ARHGEF18: variants seen among roughly 807,000 people sequenced by gnomAD.
The protein encoded by ARHGEF18 is rho guanine nucleotide exchange factor 18.
Under a neutral mutation model 155.7 loss-of-function variants are expected in ARHGEF18, and 93 were observed. The observed-to-expected ratio is 0.60, with a 90% CI of 0.50 to 0.71. The LOEUF (loss-of-function observed/expected upper bound fraction) is 0.71, where lower values mean the gene tolerates loss of function less well. Ranked by LOEUF, ARHGEF18 falls within the 30% of genes least tolerant of loss-of-function variation. The pLI, the probability that ARHGEF18 is intolerant of heterozygous loss-of-function variation, is 0.00. For missense variants in ARHGEF18, 1,593 were observed against 1,816.1 expected (o/e 0.88, Z 2.23); for synonymous variants, 742 against 753.1 (o/e 0.99, Z 0.24).
intron 10 of ARHGEF18, among the ~76,000 whole-genome samples, chr19:7,402,340 A>G (rs1600307190): frequency 6.6e-6 from 1 of 152,090 alleles, no homozygotes; most frequent in African/African-American, 2.4e-5. Flanking sequence ...AATTGCCTGA[A>G]CCCCAGAGAC....
At chr19:7,460,615 A>G (rs1297476779) in intron 20 of ARHGEF18, among the ~76,000 whole-genome samples, 5 of 116,286 alleles carry the variant, frequency 4.3e-5, no homozygotes. Context: ...CCTGCCCTGG[A>G]CATTCCACAT....
intron 26 of ARHGEF18, 42 bp downstream of exon 26, chr19:7,467,726 G>A (rs965729577): frequency 5.6e-6 from 8 of 1,421,428 alleles, no homozygotes; most frequent in Non-Finnish European, 7.3e-6. Context: ...GGGGGTGACC[G>A]GTTTGCACGT....
chr19:7,355,460 C>A (rs1014645034), intron 1 of ARHGEF18, among the ~76,000 whole-genome samples: 6 of 152,192 alleles, frequency 3.9e-5, no homozygotes, highest in Non-Finnish European at 7.3e-5. Flanking sequence ...GGTCCCTGGG[C>A]CCCTGAGCTG....
chr19:7,475,286 A>T (rs1466826367), downstream of ARHGEF18, among the ~76,000 whole-genome samples: 3 of 152,116 alleles, frequency 2.0e-5, no homozygotes, highest in Non-Finnish European at 4.4e-5. Flanking sequence ...CCAGCCCCTA[A>T]AAGGTTGAAA....
At position 7,442,157 on chromosome 19, in the gene ARHGEF18, CCTTCCTTCCTTCCTTA is replaced by C. The variant is rs1381247314; in HGVS notation, c.1360+106_1360+121del. The C allele has an allele frequency of 7.8e-6, 6 of 769,442 alleles. No homozygotes were observed. In the African/African-American group the frequency reaches 1.4e-4, roughly 17 times the overall value. The allele number at this position is 769,442 out of a possible 1,614,324, so 47.7% of individuals were successfully genotyped here. On this transcript the variant is annotated intron_variant, in intron 13 of 28. Coordinates refer to ENST00000668164, the MANE Select transcript of ARHGEF18 (RefSeq NM_001367823.1). Reference sequence around the variant, plus strand: ...TCCTTCCTTCCTTCCTTCCTTCCTTCCTTCCTTCCTTCCTTATCTTTTTCTTTCTTTCTTTCTCTCT... The same window carrying C: ...TCCTTCCTTCCTTCCTTCCTTCCTTCTCTTTTTCTTTCTTTCTTTCTCTCT...
downstream of ARHGEF18, among the ~76,000 whole-genome samples, chr19:7,475,306 C>T (rs953872660): frequency 2.0e-5 from 3 of 152,090 alleles, no homozygotes; most frequent in Non-Finnish European, 4.4e-5. Context: ...AACCACTGGA[C>T]CAGAATGGGC....
At position 7,440,046 on chromosome 19, in the gene ARHGEF18, A is replaced by T. The variant is rs769056840; in HGVS notation, c.968-298A>T. The T allele has an allele frequency of 7.1e-6, 11 of 1,550,620 alleles. No homozygotes were observed. In the African/African-American group the frequency reaches 8.2e-5, roughly 12 times the overall value. On this transcript the variant is annotated intron_variant, in intron 10 of 28. Transcript: ENST00000668164. The surrounding 1 kb of genome is among the most constrained non-coding windows in gnomAD (Gnocchi z 5.4). Reference sequence around the variant, plus strand: ...TTCTAGAAGGATCCCACCGAGGCATAAAAACGGCGCAGCCCAGCCTGGCGC... The same window carrying T: ...TTCTAGAAGGATCCCACCGAGGCATTAAAACGGCGCAGCCCAGCCTGGCGC...
rs1288061394 is a variant in ARHGEF18 at position 7,389,478 on chromosome 19, TCCTTCCTTCTTCCTTCCTC to T, written c.967+6285_967+6303del. On this transcript the variant is annotated intron_variant, in intron 10 of 28. Coordinates refer to ENST00000668164, the MANE Select transcript of ARHGEF18 (RefSeq NM_001367823.1). ...TCCACCCTACATTTTCTTCCTTCCT[TCCTTCCTTCTTCCTTCCTC>T]CCTTCCTTCCTTCCTTCCTTTCTTT... Among the ~76,000 whole-genome samples the T allele has an allele frequency of 3.5e-3, 495 of 140,386 alleles. 2 individuals carry two copies. Among genetic ancestry groups the T allele is most frequent in the African/African-American group, 0.012 (471 of 38,128 alleles). 92.1% of individuals were successfully genotyped at this position (140,386 alleles called of 152,430 possible).
At chr19:7,478,252 G>A in the ARHGEF18 span, 1 of 1,557,426 alleles carries the variant, frequency 6.4e-7, no homozygotes, top group Non-Finnish European at 8.7e-7. Flanking sequence ...GTGGCTGCGA[G>A]CCGGGATCCC....
intron 2 of ARHGEF18, 64 bp from the exon 3 acceptor site, chr19:7,372,748 A>C (rs777689201): frequency 9.2e-5 from 113 of 1,228,676 alleles, no homozygotes; most frequent in Non-Finnish European, 1.1e-4. Context: ...TGGTCAAGAG[A>C]CCCCAGGTTC....
At chr19:7,370,901 T>C (rs1035712723) in intron 2 of ARHGEF18, among the ~76,000 whole-genome samples, 31 of 117,670 alleles carry the variant, frequency 2.6e-4, no homozygotes, top group African/African-American at 1.8e-3. Flanking sequence ...CACACCCCGC[T>C]TTTTTTTTTT....
intron 10 of ARHGEF18, chr19:7,392,747 GAGAA>G (rs1043566952): frequency 1.6e-4 from 24 of 149,472 alleles, no homozygotes; most frequent in African/African-American, 4.7e-4. Flanking sequence ...GAAAGAAAAA[GAGAA>G]AGAAAGAAAT....
At position 7,422,354 on chromosome 19, in the gene ARHGEF18, GC is replaced by G. The variant is rs989537437; in HGVS notation, c.968-17983del. ...GCCTGTCTGCCCAGCTCCCGCCCAT[GC>G]CCCCCCGCCCCGCGCAGCCTTCTGT... On this transcript the variant is annotated intron_variant, in intron 10 of 28. Coordinates refer to ENST00000668164, the MANE Select transcript of ARHGEF18 (RefSeq NM_001367823.1). Among the ~76,000 whole-genome samples, 22 of 143,156 alleles carry G rather than the reference GC, an allele frequency of 1.5e-4. No individual in the cohort carries two copies. In the East Asian group the frequency reaches 4.4e-3, roughly 29 times the overall value. 93.9% of individuals were successfully genotyped at this position (143,156 alleles called of 152,430 possible). A position where few individuals can be genotyped will look rare whatever the true frequency, so the allele number is the denominator to read the frequency against.
Position 7,453,477 on chromosome 19 carries a change from G to A in ARHGEF18, c.1866G>A (p.Glu622=). Residue 622 remains glutamate (E), a synonymous_variant, in exon 17 of 29, where the codon GAG becomes GAA. Transcript: ENST00000668164. ...TGCTATGTGTGGCAGCTGGCACTGA[G>A]GACTATGAAGACCTGACCCAGGCCT... ...RIIQNTEAGT[E]DYEDLTQALN... is the part of the protein sequence containing the mutation. 8 of 1,604,338 alleles carry A rather than the reference G, an allele frequency of 5.0e-6. No individual in the cohort carries two copies. Among genetic ancestry groups the A allele is most frequent in the Non-Finnish European group, 6.8e-6 (8 of 1,173,724 alleles).
At chr19:7,466,804 CAA>C (rs965666634) in intron 23 of ARHGEF18, 112 bp from the exon 24 acceptor site, 14,948 of 484,896 alleles carry the variant, frequency 0.031, no homozygotes, top group South Asian at 0.035. Flanking sequence ...AATTCCGTCT[CAA>C]AAAAAAAAAA....
intron 10 of ARHGEF18, among the ~76,000 whole-genome samples, chr19:7,413,403 G>A (rs1181845686): frequency 6.7e-6 from 1 of 150,260 alleles, no homozygotes; most frequent in Non-Finnish European, 1.5e-5. Flanking sequence ...CTGGGTTCAC[G>A]CCATTCTCCT....
downstream of ARHGEF18, chr19:7,472,835 G>A (rs1977103045): frequency 2.6e-6 from 1 of 384,712 alleles, no homozygotes; most frequent in South Asian, 1.9e-5. Context: ...GAGTAGCTGG[G>A]ATTACAGGTG....
downstream of ARHGEF18, chr19:7,477,139 T>A: frequency 7.3e-7 from 1 of 1,368,472 alleles, no homozygotes; most frequent in Non-Finnish European, 9.5e-7. Context: ...CCCTGGCGGC[T>A]TCTGCTTTGC....
chr19:7,476,003 C>T (rs138892980), downstream of ARHGEF18, among the ~76,000 whole-genome samples: 589 of 152,286 alleles, frequency 3.9e-3, 4 homozygotes, highest in African/African-American at 0.013. Flanking sequence ...GAGCAGTCCC[C>T]GGCCTCCCAG....
Sources: gnomAD v4.1 joint callset for allele counts (sites outside exome capture counted in the v4.1 genomes callset) on GRCh38, gnomAD v4.1.1 for gene constraint, Gnocchi (gnomAD v3.1) non-coding constraint, MANE v1.5 for transcripts, NCBI Gene and HGNC (gene_info 2026-07-23, HGNC 2026-07-21) for gene names.